Variants in ULK4 observed in about 807,000 individuals in gnomAD.
The protein encoded by ULK4 is inactive serine/threonine-protein kinase ULK4.
In ULK4, 133 loss-of-function variants were observed where a neutral mutation model predicts 160.6. The ratio of observed to expected loss-of-function variants is 0.83; its 90% CI spans 0.72 to 0.96. The LOEUF (loss-of-function observed/expected upper bound fraction) is 0.96, where lower values mean the gene tolerates loss of function less well. Ranked by LOEUF, ULK4 falls within the 40% of genes least tolerant of loss-of-function variation. The pLI is 0.00. For synonymous variants in ULK4, 534 were observed against 539.8 expected, an observed-to-expected ratio of 0.99 and a Z score of 0.15; for missense variants, 1,580 against 1,499.5, an observed-to-expected ratio of 1.05 and a Z score of -0.89.
intron 36 of ULK4, among the ~76,000 whole-genome samples, chr3:41,248,191 A>G (rs560825366): frequency 6.6e-6 from 1 of 151,902 alleles, no homozygotes; most frequent in African/African-American, 2.4e-5. Context: ...TGTCTGTCAA[A>G]CTCCACTCCT....
intron 31 of ULK4, among the ~76,000 whole-genome samples, chr3:41,603,541 AT>A (rs1245548252): frequency 1.3e-5 from 2 of 151,796 alleles, no homozygotes; most frequent in African/African-American, 4.8e-5. Context: ...TAGAATACAC[AT>A]TTTTTTTCAG....
chr3:41,840,520 CGCGCGCCGCCACACCTG>C (rs1011612031), intron 17 of ULK4, among the ~76,000 whole-genome samples: 2 of 152,210 alleles, frequency 1.3e-5, no homozygotes, highest in African/African-American at 4.8e-5. Flanking sequence ...CGATTGCAGG[CGCGCGCCGCCACACCTG>C]ACTGGTTTTT....
chr3:41,298,306 GA>G (rs1417651277), intron 35 of ULK4, among the ~76,000 whole-genome samples: 9 of 152,126 alleles, frequency 5.9e-5, no homozygotes, highest in African/African-American at 1.9e-4. Flanking sequence ...TTCAAAAGAC[GA>G]ACACATTAGC....
intron 35 of ULK4, among the ~76,000 whole-genome samples, chr3:41,263,168 T>A (rs557172759): frequency 1.3e-5 from 2 of 148,200 alleles, no homozygotes; most frequent in South Asian, 4.2e-4. Flanking sequence ...GTAACCAAAG[T>A]GGGATAGCTT....
At chr3:41,761,470 G>T (rs2038984005) in intron 21 of ULK4, among the ~76,000 whole-genome samples, 1 of 150,724 alleles carries the variant, frequency 6.6e-6, no homozygotes, top group Non-Finnish European at 1.5e-5. Context: ...TGAGTGTTAT[G>T]CCTTAAACAG....
At chr3:41,825,796 G>A (rs2041324922) in intron 18 of ULK4, among the ~76,000 whole-genome samples, 1 of 152,098 alleles carries the variant, frequency 6.6e-6, no homozygotes, top group South Asian at 2.1e-4. Context: ...TCAAATTCAG[G>A]AAATACAGAG....
intron 6 of ULK4, among the ~76,000 whole-genome samples, chr3:41,918,852 C>T (rs925787909): frequency 6.6e-6 from 1 of 152,070 alleles, no homozygotes; most frequent in African/African-American, 2.4e-5. Flanking sequence ...CCGCCCGCCT[C>T]GATCTCCCAA....
At chr3:41,479,205 C>A (rs1164373734) in intron 32 of ULK4, among the ~76,000 whole-genome samples, 4 of 152,220 alleles carry the variant, frequency 2.6e-5, no homozygotes, top group Non-Finnish European at 5.9e-5. Flanking sequence ...AATCTTCAGC[C>A]CTTCTCCTTT....
At chr3:41,455,642 A>G in intron 33 of ULK4, 47 bp from the exon 34 acceptor site, 1 of 1,590,518 alleles carries the variant, frequency 6.3e-7, no homozygotes, top group South Asian at 1.1e-5. Context: ...GTGATTAGTC[A>G]GCTTGGCCAA....
chr3:41,453,579 A>G (rs2083471125), intron 34 of ULK4, among the ~76,000 whole-genome samples: 1 of 152,150 alleles, frequency 6.6e-6, no homozygotes, highest in African/African-American at 2.4e-5. Context: ...AGCATTACTA[A>G]CTTCATTTTA....
At chr3:41,857,384 G>A (rs1439478571) in intron 17 of ULK4, among the ~76,000 whole-genome samples, 1 of 152,200 alleles carries the variant, frequency 6.6e-6, no homozygotes, top group Non-Finnish European at 1.5e-5. Context: ...ATTCATCAGA[G>A]ATACTAGCCC....
At chr3:41,746,504 C>CT (rs1028441058) in intron 22 of ULK4, among the ~76,000 whole-genome samples, 1 of 148,530 alleles carries the variant, frequency 6.7e-6, no homozygotes, top group African/African-American at 2.5e-5. Context: ...AAAAAAAAAA[C>CT]TAAATAAATA....
intron 22 of ULK4, among the ~76,000 whole-genome samples, chr3:41,726,951 T>G (rs540489157): frequency 6.6e-6 from 1 of 152,222 alleles, no homozygotes; most frequent in East Asian, 1.9e-4. Context: ...CCTAGCCAAC[T>G]ATCTTTAACA....
At chr3:41,798,047 G>A (rs144449732) in intron 20 of ULK4, among the ~76,000 whole-genome samples, 1 of 152,188 alleles carries the variant, frequency 6.6e-6, no homozygotes, top group East Asian at 1.9e-4. Context: ...AAATTTCAAT[G>A]TAAAATTAAT....
chr3:41,554,496 A>T (rs148520300), intron 32 of ULK4, among the ~76,000 whole-genome samples: 14 of 152,144 alleles, frequency 9.2e-5, no homozygotes, highest in Non-Finnish European at 2.1e-4. Context: ...TGTGCAATCT[A>T]AAAAAGTTGA....
intron 17 of ULK4, among the ~76,000 whole-genome samples, chr3:41,867,343 G>C (rs1393863540): frequency 6.6e-6 from 1 of 152,152 alleles, no homozygotes; most frequent in East Asian, 1.9e-4. Context: ...AAAATCTACA[G>C]AGTGAGAAAC....
intron 17 of ULK4, among the ~76,000 whole-genome samples, chr3:41,840,482 T>G (rs2041879974): frequency 6.6e-6 from 1 of 152,168 alleles, no homozygotes; most frequent in Admixed American, 6.5e-5. Flanking sequence ...CTCCGATGGT[T>G]CTCCTGCCTT....
chr3:41,315,086 CAAG>C (rs1301949544), intron 35 of ULK4, among the ~76,000 whole-genome samples: 2 of 151,974 alleles, frequency 1.3e-5, no homozygotes, highest in Admixed American at 6.6e-5. Flanking sequence ...TTTTCTAAAA[CAAG>C]AAAAATTGGG....
intron 20 of ULK4, among the ~76,000 whole-genome samples, chr3:41,792,287 G>A (rs998999104): frequency 1.1e-4 from 17 of 152,090 alleles, no homozygotes; most frequent in Admixed American, 5.9e-4. Context: ...AGGTAGGGGT[G>A]TGTGTGTGTA....
Sources: allele counts gnomAD v4.1 joint callset (sites outside exome capture counted in the v4.1 genomes callset), GRCh38; gene constraint gnomAD v4.1.1; transcripts MANE v1.5; gene names NCBI Gene and HGNC (gene_info 2026-07-23, HGNC 2026-07-21).